The following MACF1 variants were observed in gnomAD, a reference collection of about 807,000 sequenced individuals.
MACF1 encodes microtubule actin crosslinking factor 1.
A neutral mutation model predicts 854.8 loss-of-function variants in MACF1; 193 were observed. That is an observed-to-expected ratio of 0.23 (90% CI 0.20 to 0.25). The LOEUF (loss-of-function observed/expected upper bound fraction) is 0.25, where lower values mean the gene tolerates loss of function less well. Among genes scored for constraint, MACF1 ranks in the 10% least tolerant of loss-of-function variants. The pLI is 1.00. For missense variants in MACF1, 7,722 were observed against 8,929.1 expected, an observed-to-expected ratio of 0.86 and a Z score of 5.45; for synonymous variants, 3,185 against 3,226.7, an observed-to-expected ratio of 0.99 and a Z score of 0.44.
intron 40 of MACF1, among the ~76,000 whole-genome samples, chr1:39,345,693 A>G (rs1212148272): frequency 1.3e-5 from 2 of 152,256 alleles, no homozygotes; most frequent in Non-Finnish European, 2.9e-5. Flanking sequence ...CTGGACAGAT[A>G]CAAATAGAAA....
At chr1:39,257,873 G>A (rs1037542041) in intron 5 of MACF1, 63 bp from the exon 6 acceptor site, 16 of 1,214,258 alleles carry the variant, frequency 1.3e-5, no homozygotes, top group Middle Eastern at 1.9e-4. Context: ...ATGAAGTGAT[G>A]CAAAAATTTA....
chr1:39,296,814 G>GAAA lies in MACF1; in HGVS notation c.2356-806_2356-805insAAA, dbSNP rs760943953. On this transcript the variant is annotated intron_variant, in intron 20 of 100. Transcript: ENST00000564288. ...AAAGGAAGGAAGGAAAAGAAAGAAA[G>GAAA]GAAGGAAGGAAGGAAGGAAGGAAGG... is the stretch of plus-strand genomic sequence containing the variant. Among the ~76,000 whole-genome samples the GAAA allele has an allele frequency of 4.7e-4, 33 of 69,976 alleles. 1 individual carries two copies. Among genetic ancestry groups the GAAA allele is most frequent in the African/African-American group, 2.1e-3 (24 of 11,176 alleles). The allele number at this position is 69,976 out of a possible 152,430, so 45.9% of individuals were successfully genotyped here. A position where few individuals can be genotyped will look rare whatever the true frequency, so the allele number is the denominator to read the frequency against.
chr1:39,224,556 T>A (rs748646451), intron 1 of MACF1, among the ~76,000 whole-genome samples: 1 of 152,124 alleles, frequency 6.6e-6, no homozygotes, highest in Non-Finnish European at 1.5e-5. Context: ...TTTCAGTGAA[T>A]TTGTGGGGCT....
At chr1:39,310,541 A>G (rs1446356817) in intron 25 of MACF1, 113 bp downstream of exon 25, 12 of 1,148,050 alleles carry the variant, frequency 1.0e-5, no homozygotes, top group Non-Finnish European at 1.4e-5. Flanking sequence ...TTTCCATTTG[A>G]GTAGCTACGA....
intron 2 of MACF1, among the ~76,000 whole-genome samples, chr1:39,096,588 CAA>C (rs61542154): frequency 0.085 from 11,889 of 139,058 alleles, 517 homozygotes; most frequent in Non-Finnish European, 0.098. Flanking sequence ...GACTCTATCT[CAA>C]AAAAAAAAAA....
At chr1:39,267,724 T>C (rs917569989) in intron 6 of MACF1, among the ~76,000 whole-genome samples, 1 of 152,218 alleles carries the variant, frequency 6.6e-6, no homozygotes, top group Non-Finnish European at 1.5e-5. Context: ...TGTCAAATAT[T>C]GTTCATCAGA....
upstream of MACF1, among the ~76,000 whole-genome samples, chr1:39,201,701 A>G (rs1364274326): frequency 6.6e-6 from 1 of 152,054 alleles, no homozygotes; most frequent in African/African-American, 2.4e-5. Context: ...TCTCACACAA[A>G]GCCCTCCAAT....
At chr1:39,371,951 T>C (rs1159554211) in intron 51 of MACF1, among the ~76,000 whole-genome samples, 1 of 151,918 alleles carries the variant, frequency 6.6e-6, no homozygotes. Context: ...GTCGCTGGGA[T>C]TACGGGTGCC....
At chr1:39,214,410 A>C (rs940040737) in intron 1 of MACF1, among the ~76,000 whole-genome samples, 2 of 152,210 alleles carry the variant, frequency 1.3e-5, no homozygotes, top group African/African-American at 4.8e-5. Flanking sequence ...TGGACAAACA[A>C]GCAGGCAGCC....
intron 58 of MACF1, among the ~76,000 whole-genome samples, chr1:39,400,819 T>C (rs1642451093): frequency 6.6e-6 from 1 of 152,162 alleles, no homozygotes; most frequent in Non-Finnish European, 1.5e-5. Context: ...GTGAAATCTT[T>C]TTAATAAGAA....
rs777681636 is a variant in MACF1, at chr1:39,427,987, T to C, written c.16503T>C (p.His5501=). The C allele has an allele frequency of 3.3e-5, 53 of 1,613,528 alleles. No individual in the cohort carries two copies. Among genetic ancestry groups the C allele is most frequent in the Non-Finnish European group, 4.0e-5 (47 of 1,179,666 alleles). ...CTCTGGAAGAAGACATAGAAAACCA[T>C]GCAACAGATGTGCACCAGGCAGTCA... is the stretch of plus-strand genomic sequence containing the variant. ...HKALEEDIEN[H]ATDVHQAVKI... The change falls in exon 63 of 101, where the codon CAT becomes CAC. Residue 5501 remains histidine (H), a synonymous_variant. Coordinates refer to ENST00000564288, the MANE Select transcript of MACF1 (RefSeq NM_001394062.1).
intron 97 of MACF1, among the ~76,000 whole-genome samples, chr1:39,477,189 G>C (rs1326715765): frequency 1.5e-5 from 2 of 136,864 alleles, no homozygotes; most frequent in African/African-American, 2.7e-5. Context: ...CATTATAATA[G>C]TGATGTCCCT....
rs377026177 is a variant in MACF1 at position 39,387,876 on chromosome 1, C to T, written c.15034C>T (p.Leu5012Phe). The T allele has an allele frequency of 5.6e-6, 9 of 1,613,826 alleles. No individual in the cohort carries two copies. The African/African-American group carries it at 8.0e-5, about 14-fold the overall frequency. The change falls in exon 58 of 101, where the codon CTC becomes TTC. Residue 5012 changes from leucine (L) to phenylalanine (F), a missense_variant. By Grantham distance (22) the Leu-to-Phe change is conservative. Around this residue, in one of 15 missense-constraint regions of MACF1, gnomAD observed 2,807 missense variants for 3,235.8 expected, o/e 0.87. Transcript: ENST00000564288. ...TGSLEEMTQR[L>F]REFQESFKNI... The stretch of plus-strand genomic sequence containing the variant: ...GTCACTCGAAGAAATGACTCAGAGG[C>T]TCAGGGAGTTCCAGGAAAGCTTTAA...
intron 6 of MACF1, among the ~76,000 whole-genome samples, chr1:39,271,345 A>T (rs1645315997): frequency 1.3e-5 from 2 of 152,124 alleles, no homozygotes; most frequent in Non-Finnish European, 2.9e-5. Context: ...TGTGGGTGGG[A>T]TGTGCCACAC....
chr1:39,148,031 C>T (rs1643503983), intron 2 of MACF1, among the ~76,000 whole-genome samples: 1 of 152,178 alleles, frequency 6.6e-6, no homozygotes, highest in Non-Finnish European at 1.5e-5. Context: ...TTTGTCCCAA[C>T]TCAAAACTTA....
intron 40 of MACF1, among the ~76,000 whole-genome samples, chr1:39,345,786 T>C: frequency 6.6e-6 from 1 of 151,918 alleles, no homozygotes; most frequent in Non-Finnish European, 1.5e-5. Context: ...AAAAGATTGA[T>C]GGCCGGGCGT....
chr1:39,155,023 C>T (rs1160789497), intron 2 of MACF1, among the ~76,000 whole-genome samples: 2 of 152,148 alleles, frequency 1.3e-5, no homozygotes, highest in Non-Finnish European at 2.9e-5. Flanking sequence ...CACTATTTGC[C>T]TTTGTGGGAC....
intron 2 of MACF1, among the ~76,000 whole-genome samples, chr1:39,189,035 G>A (rs1039336721): frequency 1.3e-5 from 2 of 152,190 alleles, no homozygotes; most frequent in Non-Finnish European, 2.9e-5. Flanking sequence ...ATCATGCCCG[G>A]CCCATTGTCA....
intron 2 of MACF1, among the ~76,000 whole-genome samples, chr1:39,139,779 A>G (rs1643297660): frequency 2.0e-5 from 3 of 152,178 alleles, no homozygotes; most frequent in South Asian, 4.1e-4. Flanking sequence ...CTTAAAAGTA[A>G]TAGTAATAAC....
Sources: gnomAD v4.1 joint callset for allele counts (sites outside exome capture counted in the v4.1 genomes callset) on GRCh38, gnomAD v4.1.1 for gene constraint, gnomAD v4.1.1 regional missense constraint, MANE v1.5 for transcripts, NCBI Gene and HGNC (gene_info 2026-07-23, HGNC 2026-07-21) for gene names.